C13orf46: variants seen among roughly 807,000 people sequenced by gnomAD.
The protein encoded by C13orf46 is uncharacterized protein C13orf46.
chr13:113,932,336 T>A, the C13orf46 span, among the ~76,000 whole-genome samples: 2 of 152,226 alleles, frequency 1.3e-5, no homozygotes, highest in African/African-American at 4.8e-5. Context: ...TGTGTTATGA[T>A]CCTGCCAACA....
chr13:113,942,726 G>A, the C13orf46 span, among the ~76,000 whole-genome samples: 1 of 152,220 alleles, frequency 6.6e-6, no homozygotes, highest in African/African-American at 2.4e-5. Context: ...GCAGGGCGCG[G>A]TAGGAACCCC....
chr13:113,937,110 T>C, the C13orf46 span, among the ~76,000 whole-genome samples: 2 of 152,232 alleles, frequency 1.3e-5, no homozygotes, highest in African/African-American at 4.8e-5. Context: ...AGCCCAGGAA[T>C]AATTAAGGGC....
chr13:113,971,284 G>A (rs1052349898), intron 1 of C13orf46, among the ~76,000 whole-genome samples: 1 of 152,214 alleles, frequency 6.6e-6, no homozygotes, highest in Non-Finnish European at 1.5e-5. Flanking sequence ...TCCTCCCAGA[G>A]CTCGGCAGAG....
At chr13:113,932,503 TTCTG>T in the C13orf46 span, among the ~76,000 whole-genome samples, 3 of 152,250 alleles carry the variant, frequency 2.0e-5, no homozygotes, top group Non-Finnish European at 4.4e-5. Context: ...TCTTGCGTGC[TTCTG>T]TCTGTTAATA....
rs1272566161 is a variant in C13orf46 at position 113,954,300 on chromosome 13, T to G, written c.*2473A>C. 1 of 152,344 alleles carries G rather than the reference T, an allele frequency of 6.6e-6. No individual in the cohort carries two copies. The highest frequency in any genetic ancestry group is 2.4e-5 in the African/African-American group (1 of 41,470). The allele number at this position is 152,344 out of a possible 1,614,324, so 9.4% of individuals were successfully genotyped here. ...CAGGTCACCTGCCCGTGCCCTCCTG[T>G]GCACATGTGTGGTATGTACGAGCAT... On this transcript the variant is annotated 3_prime_UTR_variant, in exon 7 of 7. Coordinates refer to ENST00000636427, the MANE Select transcript of C13orf46 (RefSeq NM_001365455.2).
At chr13:113,953,515 G>A (rs1473556217), downstream of C13orf46, among the ~76,000 whole-genome samples, 11 of 152,240 alleles carry the variant, frequency 7.2e-5, no homozygotes, top group East Asian at 2.1e-3. Context: ...TGGGTTTGAG[G>A]AAATGAGCTC....
chr13:113,935,933 C>T, the C13orf46 span, among the ~76,000 whole-genome samples: 14 of 152,322 alleles, frequency 9.2e-5, no homozygotes, highest in East Asian at 3.9e-4. Flanking sequence ...GTGAAATGGA[C>T]GCAGTCACAC....
At chr13:113,933,289 T>A in the C13orf46 span, among the ~76,000 whole-genome samples, 1 of 152,236 alleles carries the variant, frequency 6.6e-6, no homozygotes, top group East Asian at 1.9e-4. Context: ...CTCTCCCTGT[T>A]GAATTGCCTC....
intron 5 of C13orf46, among the ~76,000 whole-genome samples, chr13:113,967,126 G>A (rs2052657871): frequency 6.6e-6 from 1 of 152,220 alleles, no homozygotes. Flanking sequence ...GTGTGCGTGA[G>A]TTGGAGTGTG....
chr13:113,958,514 C>T (rs1418507061), intron 6 of C13orf46, among the ~76,000 whole-genome samples: 1 of 152,212 alleles, frequency 6.6e-6, no homozygotes, highest in Non-Finnish European at 1.5e-5. Context: ...TGCCGCGGTT[C>T]GTGATTACGC....
chr13:113,953,531 C>A (rs2052498138), downstream of C13orf46, among the ~76,000 whole-genome samples: 3 of 152,202 alleles, frequency 2.0e-5, no homozygotes, highest in Middle Eastern at 3.4e-3. Context: ...AGCTCAGAGC[C>A]CAACAGAAGG....
At chr13:113,959,422 G>C (rs993821664) in intron 6 of C13orf46, among the ~76,000 whole-genome samples, 1 of 152,208 alleles carries the variant, frequency 6.6e-6, no homozygotes, top group African/African-American at 2.4e-5. Context: ...GTGTGAAGCT[G>C]TCTGGCCAGG....
chr13:113,972,216 G>A (rs758764206), intron 1 of C13orf46, among the ~76,000 whole-genome samples: 5 of 152,206 alleles, frequency 3.3e-5, no homozygotes, highest in African/African-American at 9.7e-5. Flanking sequence ...TTAAATTCCC[G>A]CTAAGCAGCC....
At chr13:113,943,750 C>T in the C13orf46 span, among the ~76,000 whole-genome samples, 2 of 152,138 alleles carry the variant, frequency 1.3e-5, no homozygotes, top group African/African-American at 4.8e-5. Context: ...TGGGTGATGA[C>T]GAGTGTCAGG....
chr13:113,970,750 G>T (rs1201080208), intron 1 of C13orf46, among the ~76,000 whole-genome samples: 1 of 152,174 alleles, frequency 6.6e-6, no homozygotes, highest in Non-Finnish European at 1.5e-5. Flanking sequence ...GGCATTGCGG[G>T]ATGTTTCTAG....
chr13:113,943,451 TAGAA>T, the C13orf46 span, among the ~76,000 whole-genome samples: 57 of 152,304 alleles, frequency 3.7e-4, no homozygotes, highest in African/African-American at 1.3e-3. Flanking sequence ...GGATCAATAA[TAGAA>T]AGGAATGCCT....
intron 1 of C13orf46, among the ~76,000 whole-genome samples, chr13:113,970,614 A>G (rs2052694037): frequency 6.6e-6 from 1 of 152,144 alleles, no homozygotes. Context: ...AGAAGCCCAC[A>G]AGACCTGCCC....
chr13:113,957,983 C>T (rs1346701766), intron 6 of C13orf46, among the ~76,000 whole-genome samples: 68 of 141,034 alleles, frequency 4.8e-4, no homozygotes, highest in African/African-American at 1.7e-3. Flanking sequence ...CTGCACTCTG[C>T]CTGCACCCCC....
chr13:113,972,726 T>C (rs560444997), intron 1 of C13orf46, among the ~76,000 whole-genome samples: 1 of 152,252 alleles, frequency 6.6e-6, no homozygotes, highest in Admixed American at 6.5e-5. Flanking sequence ...GCTACGCAGG[T>C]TCCTTGCTGG....
Sources: gnomAD v4.1 joint callset for allele counts (sites outside exome capture counted in the v4.1 genomes callset) on GRCh38, gnomAD v4.1.1 for gene constraint, MANE v1.5 for transcripts, NCBI Gene and HGNC (gene_info 2026-07-23, HGNC 2026-07-21) for gene names.